Variants in RIMS1 observed in about 807,000 individuals in gnomAD.
RIMS1 encodes regulating synaptic membrane exocytosis protein 1.
Under a neutral mutation model 214.1 loss-of-function variants are expected in RIMS1, and 83 were observed. The observed-to-expected ratio is 0.39, with a 90% CI of 0.32 to 0.47. The LOEUF (loss-of-function observed/expected upper bound fraction) is 0.47. Ranked by LOEUF, RIMS1 falls within the 20% of genes least tolerant of loss-of-function variation. RIMS1 has a pLI of 0.99. For missense variants in RIMS1, 2,050 were observed against 2,161.8 expected, an observed-to-expected ratio of 0.95 and a Z score of 1.03; for synonymous variants, 793 against 786.8, an observed-to-expected ratio of 1.01 and a Z score of -0.13.
chr6:72,342,263 C>T (rs892939908), intron 29 of RIMS1, among the ~76,000 whole-genome samples: 1 of 151,798 alleles, frequency 6.6e-6, no homozygotes, highest in African/African-American at 2.4e-5. Context: ...CTCTGACCAT[C>T]TCATTCATCT....
rs764942048 is a variant in RIMS1 at position 71,904,284 on chromosome 6, A to C, written c.164+17097A>C. ...ATGGAGATTATTGTGCAAGACGCTTATTAGGGAGTACTTTCAGGATCAACA... is the reference window on the plus strand; with the variant it reads ...ATGGAGATTATTGTGCAAGACGCTTCTTAGGGAGTACTTTCAGGATCAACA... On this transcript the variant is annotated intron_variant, in intron 1 of 33. Coordinates refer to ENST00000521978, the MANE Select transcript of RIMS1 (RefSeq NM_014989.7). Among the ~76,000 whole-genome samples the C allele has an allele frequency of 3.3e-5, 5 of 152,238 alleles. No homozygotes were observed. In the East Asian group the frequency reaches 5.8e-4, roughly 18 times the overall value.
chr6:72,097,263 A>G (rs117419218), intron 3 of RIMS1, 101 bp downstream of exon 3: 6 of 1,001,382 alleles, frequency 6.0e-6, no homozygotes, highest in Non-Finnish European at 9.3e-6. Flanking sequence ...AGACATGTGC[A>G]TAAACATACA....
chr6:72,207,281 A>G (rs551058606), intron 6 of RIMS1, among the ~76,000 whole-genome samples: 18 of 152,246 alleles, frequency 1.2e-4, no homozygotes, highest in Non-Finnish European at 2.6e-4. Context: ...ACATATAAAT[A>G]GAAAAGTAGA....
At chr6:71,929,828 G>T (rs1001225892) in intron 1 of RIMS1, among the ~76,000 whole-genome samples, 1 of 151,942 alleles carries the variant, frequency 6.6e-6, no homozygotes, top group Non-Finnish European at 1.5e-5. Flanking sequence ...GAATAAGAAT[G>T]ATTCTAATGT....
intron 28 of RIMS1, among the ~76,000 whole-genome samples, chr6:72,317,956 CT>C (rs1432129943): frequency 6.6e-6 from 1 of 152,066 alleles, no homozygotes; most frequent in Non-Finnish European, 1.5e-5. Flanking sequence ...GCGATTTAAC[CT>C]TTTATCATTA....
intron 2 of RIMS1, among the ~76,000 whole-genome samples, chr6:72,012,221 A>C (rs890545547): frequency 8.5e-5 from 13 of 152,318 alleles, no homozygotes; most frequent in African/African-American, 2.4e-4. Flanking sequence ...TCAGCAAACT[A>C]TCACAAGGAC....
chr6:72,234,957 T>C (rs1238004438), intron 7 of RIMS1, among the ~76,000 whole-genome samples: 1 of 152,124 alleles, frequency 6.6e-6, no homozygotes, highest in Non-Finnish European at 1.5e-5. Context: ...ATGCCCAGTT[T>C]GTTCATCAAT....
intron 1 of RIMS1, among the ~76,000 whole-genome samples, chr6:71,899,487 CACAA>C (rs1185457778): frequency 2.6e-5 from 4 of 152,018 alleles, no homozygotes; most frequent in African/African-American, 9.7e-5. Context: ...CACACACACA[CACAA>C]ACACACACAC....
chr6:72,060,852 A>T (rs1029884827), intron 2 of RIMS1, among the ~76,000 whole-genome samples: 1 of 152,172 alleles, frequency 6.6e-6, no homozygotes, highest in African/African-American at 2.4e-5. Context: ...ACAGGGTCTA[A>T]ATCTTGTTCA....
chr6:72,239,280 G>A (rs776689376), intron 9 of RIMS1, among the ~76,000 whole-genome samples: 14 of 152,138 alleles, frequency 9.2e-5, no homozygotes, highest in Non-Finnish European at 1.9e-4. Flanking sequence ...AGTAAAAGAA[G>A]AGGGGTGTTC....
At chr6:72,233,654 G>A (rs2154084908) in intron 6 of RIMS1, 119 bp from the exon 7 acceptor site, 1 of 755,416 alleles carries the variant, frequency 1.3e-6, no homozygotes, top group Non-Finnish European at 2.3e-6. Context: ...ATCATTCTGC[G>A]ATGTACACGC....
intron 1 of RIMS1, among the ~76,000 whole-genome samples, chr6:71,933,682 T>TCTCACA (rs1554212051): frequency 2.2e-5 from 3 of 139,212 alleles, no homozygotes; most frequent in Non-Finnish European, 3.1e-5. Context: ...TCTTCCTCAA[T>TCTCACA]CACACACACA....
chr6:72,264,259 C>T (rs566483403), intron 19 of RIMS1, among the ~76,000 whole-genome samples: 37 of 152,174 alleles, frequency 2.4e-4, no homozygotes, highest in Non-Finnish European at 4.6e-4. Flanking sequence ...CCTAGTTTGT[C>T]CTTCATGGCA....
intron 29 of RIMS1, among the ~76,000 whole-genome samples, chr6:72,345,455 G>GCC (rs2154362241): frequency 6.6e-6 from 1 of 151,422 alleles, no homozygotes; most frequent in East Asian, 1.9e-4. Context: ...ACAAAAAACA[G>GCC]CCATGAAATA....
intron 6 of RIMS1, among the ~76,000 whole-genome samples, chr6:72,221,413 G>A (rs1193921387): frequency 6.6e-6 from 1 of 151,504 alleles, no homozygotes; most frequent in Non-Finnish European, 1.5e-5. Context: ...AATTATAAAG[G>A]CCAATAAGAT....
chr6:72,026,982 G>A (rs9446550), intron 2 of RIMS1, among the ~76,000 whole-genome samples: 1,958 of 152,230 alleles, frequency 0.013, 38 homozygotes, highest in African/African-American at 0.044. Context: ...TCCATCATCT[G>A]CAGTTTAAGC....
At position 72,224,905 on chromosome 6, in the gene RIMS1, A is replaced by C. The variant is rs561183270; in HGVS notation, c.1679-8868A>C. Among the ~76,000 whole-genome samples the C allele has an allele frequency of 3.3e-5, 5 of 152,336 alleles. No homozygotes were observed. The East Asian group carries it at 9.6e-4, about 29-fold the overall frequency. On this transcript the variant is annotated intron_variant, in intron 6 of 33. Coordinates refer to ENST00000521978, the MANE Select transcript of RIMS1 (RefSeq NM_014989.7). The stretch of plus-strand genomic sequence containing the variant: ...TTGCAACCTGATTTCCTATAGCTGT[A>C]GTTTTGGAGTTTTATTAATATGGCT...
chr6:72,298,091 T>C (rs774177283), intron 26 of RIMS1, among the ~76,000 whole-genome samples: 3 of 152,116 alleles, frequency 2.0e-5, no homozygotes, highest in South Asian at 4.1e-4. Flanking sequence ...TTTCCCAAGA[T>C]GCAAGACTTT....
At chr6:72,358,952 GA>G (rs1339374381) in intron 29 of RIMS1, among the ~76,000 whole-genome samples, 1 of 152,144 alleles carries the variant, frequency 6.6e-6, no homozygotes. Context: ...GATCAGATGA[GA>G]CATCTTAAAC....
Sources: allele counts gnomAD v4.1 joint callset (sites outside exome capture counted in the v4.1 genomes callset), GRCh38; gene constraint gnomAD v4.1.1; transcripts MANE v1.5; gene names NCBI Gene and HGNC (gene_info 2026-07-23, HGNC 2026-07-21).